The following DNMBP variants were observed in gnomAD, a reference collection of about 807,000 sequenced individuals.
DNMBP encodes the protein dynamin binding protein.
A neutral mutation model predicts 150.0 loss-of-function variants in DNMBP; 87 were observed. The ratio of observed to expected loss-of-function variants is 0.58; its 90% CI spans 0.49 to 0.69. DNMBP has a LOEUF of 0.69. Among genes scored for constraint, DNMBP ranks in the 30% least tolerant of loss-of-function variants. The probability of loss-of-function intolerance (pLI) is 0.00; values close to 1 mark genes in which losing one functional copy is unlikely to be tolerated. For missense variants in DNMBP, 1,774 were observed against 1,949.0 expected (o/e 0.91, Z 1.69); for synonymous variants, 711 against 750.4 (o/e 0.95, Z 0.86).
At chr10:99,975,053 C>T (rs951859827) in intron 1 of DNMBP, among the ~76,000 whole-genome samples, 9 of 152,178 alleles carry the variant, frequency 5.9e-5, no homozygotes, top group Admixed American at 5.9e-4. Flanking sequence ...AGCCACCATA[C>T]CTGACCTCTG....
chr10:99,907,361 G>A (rs1156949215), intron 6 of DNMBP, among the ~76,000 whole-genome samples: 1 of 151,056 alleles, frequency 6.6e-6, no homozygotes, highest in South Asian at 2.1e-4. Flanking sequence ...TTCAAAAATT[G>A]GTAGTTAAAC....
Position 99,955,811 on chromosome 10 carries a change from G to C in DNMBP, c.1663C>G (p.Gln555Glu). Residue 555 changes from glutamine to glutamate, a missense_variant, in exon 4 of 17, where the codon CAG (glutamine) becomes GAG (glutamate). Coordinates refer to ENST00000324109, the MANE Select transcript of DNMBP (RefSeq NM_015221.4). ...STDLDSKLTQ[Q>E]LIEFEKSLAG... ...AAGCTCTTCTCAAACTCGATCAGCT[G>C]TTGTGTCAGCTTCGAGTCCAGGTCA... The C allele has an allele frequency of 6.2e-7, 1 of 1,614,246 alleles. No individual in the cohort carries two copies. Among genetic ancestry groups the C allele is most frequent in the South Asian group, 1.1e-5 (1 of 91,086 alleles).
At chr10:99,935,087 CAAAAAAAAAAAAAAA>C (rs71009790) in intron 4 of DNMBP, among the ~76,000 whole-genome samples, 2 of 48,540 alleles carry the variant, frequency 4.1e-5, no homozygotes, top group Admixed American at 2.9e-4. Context: ...CCTGTCTCCA[CAAAAAAAAAAAAAAA>C]AAAAAAAAAA....
chr10:99,892,022 C>T (rs1267237406), intron 11 of DNMBP, among the ~76,000 whole-genome samples: 1 of 142,730 alleles, frequency 7.0e-6, no homozygotes, highest in African/African-American at 2.8e-5. Context: ...GCCCGGCCAG[C>T]CGCCCCGTCC....
intron 1 of DNMBP, among the ~76,000 whole-genome samples, chr10:99,974,919 A>G (rs2040713099): frequency 6.6e-6 from 1 of 152,050 alleles, no homozygotes; most frequent in Admixed American, 6.5e-5. Context: ...ATGCATAACC[A>G]TGCCCAGCTA....
intron 6 of DNMBP, among the ~76,000 whole-genome samples, chr10:99,902,115 C>A (rs1182563569): frequency 6.6e-6 from 1 of 151,966 alleles, no homozygotes; most frequent in South Asian, 2.1e-4. Context: ...GTCACAAACT[C>A]TTGGGCTCAA....
chr10:99,906,691 GAA>G lies in DNMBP; in HGVS notation c.2554+1302_2554+1303del, dbSNP rs200842974. ...CTCACGTGGCAAGAAACTGACGCCT[GAA>G]GAACTGAGTGAGCTTTCTTGGAAGT... is the stretch of plus-strand genomic sequence containing the variant. On this transcript the variant is annotated intron_variant, in intron 6 of 16. Transcript: ENST00000324109. 4.8e-3 allele frequency among the ~76,000 whole-genome samples: 728 copies of G among 152,254 alleles called. 5 individuals carry two copies. Among genetic ancestry groups the G allele is most frequent in the African/African-American group, 0.016 (663 of 41,542 alleles).
At chr10:99,882,278 AGCTCTGGTGTTCTATT>A (rs2039379644) in intron 15 of DNMBP, among the ~76,000 whole-genome samples, 1 of 152,214 alleles carries the variant, frequency 6.6e-6, no homozygotes, top group South Asian at 2.1e-4. Flanking sequence ...AGGAGAAATA[AGCTCTGGTGTTCTATT>A]GCACAGTAAG....
intron 1 of DNMBP, among the ~76,000 whole-genome samples, chr10:99,981,150 TG>T (rs1191986276): frequency 6.6e-6 from 1 of 152,092 alleles, no homozygotes; most frequent in Non-Finnish European, 1.5e-5. Flanking sequence ...TCATAAAACG[TG>T]AATGTGAAAG....
intron 4 of DNMBP, among the ~76,000 whole-genome samples, chr10:99,950,683 A>G (rs1589434811): frequency 6.6e-6 from 1 of 152,142 alleles, no homozygotes; most frequent in African/African-American, 2.4e-5. Flanking sequence ...AGATTTGTGG[A>G]ACTTTGAACT....
intron 3 of DNMBP, among the ~76,000 whole-genome samples, chr10:99,967,694 TGTGTGG>T (rs1173522812): frequency 1.3e-5 from 2 of 151,364 alleles, no homozygotes; most frequent in Non-Finnish European, 1.5e-5. Flanking sequence ...TGTGTGTGTG[TGTGTGG>T]GTATGTGTGT....
intron 16 of DNMBP, among the ~76,000 whole-genome samples, chr10:99,878,739 A>G (rs888184338): frequency 2.0e-5 from 3 of 152,194 alleles, no homozygotes; most frequent in African/African-American, 7.2e-5. Flanking sequence ...CAACACAGGA[A>G]GATGCTCCAC....
intron 4 of DNMBP, among the ~76,000 whole-genome samples, chr10:99,922,803 G>A (rs1036944373): frequency 1.3e-5 from 2 of 152,072 alleles, no homozygotes; most frequent in African/African-American, 4.8e-5. Flanking sequence ...TTACTCGAAA[G>A]CTTCAGTTAT....
chr10:99,945,614 C>T (rs1007382700), intron 4 of DNMBP, among the ~76,000 whole-genome samples: 3 of 152,224 alleles, frequency 2.0e-5, no homozygotes, highest in African/African-American at 7.2e-5. Context: ...GCAATTCTGA[C>T]ACATGATTCT....
intron 16 of DNMBP, among the ~76,000 whole-genome samples, chr10:99,877,721 G>A (rs182375669): frequency 1.8e-4 from 28 of 152,170 alleles, no homozygotes; most frequent in South Asian, 6.2e-4. Context: ...AAAATTAGCC[G>A]GGCGTGGTGG....
At chr10:99,892,787 C>T (rs565175905) in intron 11 of DNMBP, among the ~76,000 whole-genome samples, 62 of 152,146 alleles carry the variant, frequency 4.1e-4, no homozygotes, top group Non-Finnish European at 2.5e-4. Flanking sequence ...TACTAAAACA[C>T]GAGAATTTTT....
At chr10:99,928,639 A>G (rs2040109683) in intron 4 of DNMBP, among the ~76,000 whole-genome samples, 1 of 152,210 alleles carries the variant, frequency 6.6e-6, no homozygotes, top group Non-Finnish European at 1.5e-5. Context: ...TAATATTCTC[A>G]TTTCACAGAC....
At chr10:99,887,071 T>C (rs1453077177) in intron 12 of DNMBP, among the ~76,000 whole-genome samples, 1 of 151,682 alleles carries the variant, frequency 6.6e-6, no homozygotes, top group African/African-American at 2.4e-5. Context: ...CATAAACCTT[T>C]AATCATAACT....
At chr10:99,920,928 C>T (rs571674516) in intron 4 of DNMBP, among the ~76,000 whole-genome samples, 1 of 152,266 alleles carries the variant, frequency 6.6e-6, no homozygotes, top group South Asian at 2.1e-4. Context: ...AATCTTCCTG[C>T]TTCAGCCTCC....
Sources: allele counts gnomAD v4.1 joint callset (sites outside exome capture counted in the v4.1 genomes callset), GRCh38; gene constraint gnomAD v4.1.1; transcripts MANE v1.5; gene names NCBI Gene and HGNC (gene_info 2026-07-23, HGNC 2026-07-21).